Variants in MLLT3 observed in about 807,000 individuals in gnomAD.
MLLT3 encodes protein AF-9.
In MLLT3, 4 loss-of-function variants were observed where a neutral mutation model predicts 53.2. That is an observed-to-expected ratio of 0.08 (90% CI 0.04 to 0.17). MLLT3 has a LOEUF of 0.17. Ranked by LOEUF, MLLT3 falls within the 10% of genes least tolerant of loss-of-function variation. The pLI is 1.00. For missense variants in MLLT3, 569 were observed against 684.0 expected (o/e 0.83, Z 1.87); for synonymous variants, 283 against 230.6 (o/e 1.23, Z -2.06).
At chr9:20,532,566 GA>G in intron 2 of MLLT3, 1 of 237,874 alleles carries the variant, frequency 4.2e-6, no homozygotes, top group Non-Finnish European at 8.0e-6. Flanking sequence ...CCAAAGGAAA[GA>G]AGGCCAAGAG....
intron 4 of MLLT3, among the ~76,000 whole-genome samples, chr9:20,443,390 T>C (rs1316330746): frequency 1.3e-5 from 2 of 152,170 alleles, no homozygotes; most frequent in African/African-American, 4.8e-5. Context: ...TGAGAAGCCT[T>C]TAATCCGCTA....
chr9:20,546,649 G>A (rs1818796376), intron 2 of MLLT3, among the ~76,000 whole-genome samples: 1 of 152,130 alleles, frequency 6.6e-6, no homozygotes, highest in Non-Finnish European at 1.5e-5. Context: ...CTGTATGGCA[G>A]ATGCACCTGA....
At chr9:20,479,566 T>C (rs562404703) in intron 2 of MLLT3, among the ~76,000 whole-genome samples, 4 of 152,258 alleles carry the variant, frequency 2.6e-5, no homozygotes, top group African/African-American at 9.6e-5. Context: ...CCTAGAGAAG[T>C]TGGGTACTAT....
At chr9:20,386,653 C>T (rs1822045192) in intron 5 of MLLT3, among the ~76,000 whole-genome samples, 1 of 152,154 alleles carries the variant, frequency 6.6e-6, no homozygotes, top group South Asian at 2.1e-4. Flanking sequence ...TAAAGATGTG[C>T]TGGAATGAGA....
intron 5 of MLLT3, among the ~76,000 whole-genome samples, chr9:20,387,491 A>C (rs1470219148): frequency 6.6e-6 from 1 of 151,886 alleles, no homozygotes; most frequent in Non-Finnish European, 1.5e-5. Context: ...GGGGAAGCTT[A>C]ACTCCTTCAC....
intron 2 of MLLT3, among the ~76,000 whole-genome samples, chr9:20,592,961 AG>A (rs1345296305): frequency 2.6e-5 from 4 of 152,202 alleles, no homozygotes; most frequent in African/African-American, 4.8e-5. Context: ...AGAGAAGGCA[AG>A]GGCAGGTGGA....
At chr9:20,468,592 G>A (rs528452957) in intron 2 of MLLT3, among the ~76,000 whole-genome samples, 4 of 152,334 alleles carry the variant, frequency 2.6e-5, no homozygotes, top group African/African-American at 9.6e-5. Context: ...TGAGTCCTGT[G>A]ATGCAGTAAA....
intron 2 of MLLT3, among the ~76,000 whole-genome samples, chr9:20,498,027 G>C (rs1314032984): frequency 6.6e-6 from 1 of 151,802 alleles, no homozygotes; most frequent in Non-Finnish European, 1.5e-5. Flanking sequence ...TTCGAGATCA[G>C]TCTGCCTAAC....
chr9:20,419,125 T>C (rs933239960), intron 4 of MLLT3, among the ~76,000 whole-genome samples: 2 of 151,998 alleles, frequency 1.3e-5, no homozygotes, highest in African/African-American at 4.8e-5. Flanking sequence ...GATGAAATAT[T>C]GAGGTCAAAA....
At chr9:20,600,235 A>G (rs1192724808) in intron 2 of MLLT3, among the ~76,000 whole-genome samples, 1 of 151,618 alleles carries the variant, frequency 6.6e-6, no homozygotes, top group Non-Finnish European at 1.5e-5. Flanking sequence ...TCATAGCTTC[A>G]TAAAAGCACT....
At chr9:20,363,638 A>G (rs762680363) in intron 6 of MLLT3, 33 bp from the exon 7 acceptor site, 1 of 1,608,558 alleles carries the variant, frequency 6.2e-7, no homozygotes, top group Non-Finnish European at 8.5e-7. Context: ...AGGCAATCAA[A>G]CATATACTCA....
intron 5 of MLLT3, among the ~76,000 whole-genome samples, chr9:20,385,538 G>A (rs1317632692): frequency 6.6e-6 from 1 of 152,074 alleles, no homozygotes; most frequent in African/African-American, 2.4e-5. Flanking sequence ...ATAACAAAAT[G>A]TCTGTTTTTG....
intron 2 of MLLT3, among the ~76,000 whole-genome samples, chr9:20,611,928 G>T (rs1229939164): frequency 6.6e-6 from 1 of 152,048 alleles, no homozygotes. Context: ...CTACCACCCA[G>T]CAACAATTTT....
At chr9:20,366,074 A>C (rs1256608570) in intron 5 of MLLT3, among the ~76,000 whole-genome samples, 1 of 152,128 alleles carries the variant, frequency 6.6e-6, no homozygotes, top group Non-Finnish European at 1.5e-5. Flanking sequence ...TTATACTTTA[A>C]GTTTTGGGAT....
At chr9:20,584,859 T>C (rs1404349837) in intron 2 of MLLT3, among the ~76,000 whole-genome samples, 2 of 152,228 alleles carry the variant, frequency 1.3e-5, no homozygotes, top group Non-Finnish European at 2.9e-5. Flanking sequence ...TTTCTTTTCA[T>C]TGCTAAACAG....
At chr9:20,387,845 C>T (rs1221349244) in intron 5 of MLLT3, among the ~76,000 whole-genome samples, 1 of 152,208 alleles carries the variant, frequency 6.6e-6, no homozygotes, top group East Asian at 1.9e-4. Flanking sequence ...TTAGCAAATG[C>T]AACTCATTGT....
chr9:20,397,394 C>T (rs1389397729), intron 5 of MLLT3, among the ~76,000 whole-genome samples: 1 of 152,088 alleles, frequency 6.6e-6, no homozygotes, highest in Non-Finnish European at 1.5e-5. Flanking sequence ...CAGAAGTACA[C>T]AGTATAAGCT....
chr9:20,506,316 C>T (rs1261487650), intron 2 of MLLT3, among the ~76,000 whole-genome samples: 2 of 152,186 alleles, frequency 1.3e-5, no homozygotes, highest in Non-Finnish European at 2.9e-5. Context: ...GCTGGGATTA[C>T]AGGCGTGAGC....
chr9:20,491,438 G>A (rs10964576), intron 2 of MLLT3, among the ~76,000 whole-genome samples: 32,444 of 151,764 alleles, frequency 0.21, 3,588 homozygotes, highest in Middle Eastern at 0.32. Flanking sequence ...CCAGATAAAC[G>A]CAATAATATA....
Sources: allele counts gnomAD v4.1 joint callset (sites outside exome capture counted in the v4.1 genomes callset), GRCh38; gene constraint gnomAD v4.1.1; transcripts MANE v1.5; gene names NCBI Gene and HGNC (gene_info 2026-07-23, HGNC 2026-07-21).